Variants in NCAM1 observed in about 807,000 individuals in gnomAD.
NCAM1 encodes the protein neural cell adhesion molecule 1, also known as antigen recognized by monoclonal antibody 5.1H11.
Under a neutral mutation model 109.8 loss-of-function variants are expected in NCAM1, and 14 were observed. That is an observed-to-expected ratio of 0.13 (90% CI 0.08 to 0.20). NCAM1 has a LOEUF of 0.20. Among genes scored for constraint, NCAM1 ranks in the 10% least tolerant of loss-of-function variants. NCAM1 has a pLI of 1.00. For missense variants in NCAM1, 774 were observed against 1,109.9 expected (o/e 0.70, Z 4.30); for synonymous variants, 418 against 442.9 (o/e 0.94, Z 0.70).
At chr11:113,074,610 G>A (rs1466698406) in intron 1 of NCAM1, among the ~76,000 whole-genome samples, 28 of 152,088 alleles carry the variant, frequency 1.8e-4, no homozygotes, top group Non-Finnish European at 2.5e-4. Context: ...TTATTGAGGA[G>A]CTGAATTTTT....
intron 8 of NCAM1, among the ~76,000 whole-genome samples, chr11:113,218,568 G>C (rs1484736904): frequency 2.0e-5 from 3 of 152,282 alleles, no homozygotes; most frequent in Non-Finnish European, 4.4e-5. Context: ...CATTATAAAA[G>C]AAGGGGGGAG....
rs2137832740 is a variant in NCAM1 at position 113,277,476 on chromosome 11, A to C, written c.*2089A>C. ...AGAGGAACATGAAGAGAGATCTTAG[A>C]GCACACAGTAGAATGTGAGAGCCTG... On this transcript the variant is annotated 3_prime_UTR_variant, in exon 20 of 20. Transcript: ENST00000316851. 2.5e-6 allele frequency: 1 copy of C among 399,014 alleles called. No individual in the cohort carries two copies. The highest frequency in any genetic ancestry group is 3.6e-5 in the East Asian group (1 of 28,070). 24.7% of individuals were successfully genotyped at this position (399,014 alleles called of 1,614,324 possible).
At chr11:113,188,536 A>G (rs1359991828) in intron 1 of NCAM1, among the ~76,000 whole-genome samples, 1 of 152,190 alleles carries the variant, frequency 6.6e-6, no homozygotes, top group Non-Finnish European at 1.5e-5. Flanking sequence ...TGAACTCCTT[A>G]TTTAAATCTG....
chr11:113,160,122 A>G (rs1054001350), intron 1 of NCAM1, among the ~76,000 whole-genome samples: 1 of 152,046 alleles, frequency 6.6e-6, no homozygotes, highest in East Asian at 1.9e-4. Flanking sequence ...GGCCAGCAAG[A>G]AGGCTGGTTT....
chr11:113,230,772 G>A (rs1487955697), intron 9 of NCAM1, among the ~76,000 whole-genome samples: 1 of 152,196 alleles, frequency 6.6e-6, no homozygotes, highest in Non-Finnish European at 1.5e-5. Flanking sequence ...TTGAGGATCT[G>A]AAGTTAAGCC....
intron 1 of NCAM1, among the ~76,000 whole-genome samples, chr11:113,141,410 TC>T: frequency 6.6e-6 from 1 of 152,252 alleles, no homozygotes; most frequent in Middle Eastern, 3.4e-3. Context: ...GGTGGGCAGA[TC>T]ATGAGGTCAG....
chr11:113,245,881 C>T (rs1945485665), intron 14 of NCAM1, among the ~76,000 whole-genome samples: 1 of 152,202 alleles, frequency 6.6e-6, no homozygotes, highest in South Asian at 2.1e-4. Flanking sequence ...GCCCTTGTTT[C>T]CCAAGGATGC....
chr11:113,149,094 T>C (rs143199319), intron 1 of NCAM1, among the ~76,000 whole-genome samples: 331 of 152,326 alleles, frequency 2.2e-3, no homozygotes, highest in Middle Eastern at 6.8e-3. Flanking sequence ...TTGCCTATAC[T>C]TCCTTCAGAC....
chr11:113,006,098 T>A (rs1390034818), intron 1 of NCAM1, among the ~76,000 whole-genome samples: 3 of 152,198 alleles, frequency 2.0e-5, no homozygotes, highest in African/African-American at 7.2e-5. Flanking sequence ...TTCAAAAAAT[T>A]CTGGCAGTTT....
intron 1 of NCAM1, among the ~76,000 whole-genome samples, chr11:113,164,975 C>T (rs1314211659): frequency 6.6e-6 from 1 of 152,070 alleles, no homozygotes; most frequent in Non-Finnish European, 1.5e-5. Context: ...CTATATCACC[C>T]AGGAAATTCT....
intron 1 of NCAM1, among the ~76,000 whole-genome samples, chr11:113,202,080 A>G (rs1483635597): frequency 6.6e-6 from 1 of 152,212 alleles, no homozygotes; most frequent in East Asian, 1.9e-4. Flanking sequence ...CATTTAGTGC[A>G]GAGATCACCC....
At chr11:113,175,294 G>T (rs529135129) in intron 1 of NCAM1, among the ~76,000 whole-genome samples, 1 of 152,188 alleles carries the variant, frequency 6.6e-6, no homozygotes, top group Non-Finnish European at 1.5e-5. Context: ...AAGAGATGGC[G>T]GCTGTGTGTA....
chr11:112,985,608 G>C (rs555644258), intron 1 of NCAM1, among the ~76,000 whole-genome samples: 1 of 148,456 alleles, frequency 6.7e-6, no homozygotes, highest in African/African-American at 2.5e-5. Flanking sequence ...GTAGTTTTCT[G>C]TATACAGATT....
intron 1 of NCAM1, among the ~76,000 whole-genome samples, chr11:113,090,986 A>G (rs1209063705): frequency 6.6e-6 from 1 of 152,212 alleles, no homozygotes; most frequent in Non-Finnish European, 1.5e-5. Context: ...AGCAAATGCT[A>G]TAGTATGTTA....
chr11:113,034,943 A>T (rs1952823450), intron 1 of NCAM1, among the ~76,000 whole-genome samples: 1 of 152,226 alleles, frequency 6.6e-6, no homozygotes, highest in African/African-American at 2.4e-5. Context: ...TCTGGAATCT[A>T]CGTTAAGAAG....
chr11:113,136,543 G>C (rs1794857708), intron 1 of NCAM1, among the ~76,000 whole-genome samples: 1 of 152,214 alleles, frequency 6.6e-6, no homozygotes, highest in South Asian at 2.1e-4. Context: ...GGAAGACGAG[G>C]AGGCATGCGT....
chr11:113,207,127 C>T, intron 5 of NCAM1, 134 bp from the exon 6 acceptor site: 1 of 633,302 alleles, frequency 1.6e-6, no homozygotes, highest in Non-Finnish European at 2.8e-6. Flanking sequence ...CAATTCCTGA[C>T]ACTAACTCTG....
rs535284267 is a variant in NCAM1, at chr11:113,210,002, A to G, written c.916+2000A>G. ...TGCTGAATGGGAGCTTCTTGTGGAC[A>G]GGGGCTGTGTCTGTTTTACTCACAG... On this transcript the variant is annotated intron_variant, in intron 7 of 19. Transcript: ENST00000316851. Among the ~76,000 whole-genome samples the G allele has an allele frequency of 9.2e-5, 14 of 152,304 alleles. No individual in the cohort carries two copies. In the South Asian group the frequency reaches 2.3e-3, roughly 25 times the overall value.
At chr11:113,173,698 A>G (rs1943064104) in intron 1 of NCAM1, among the ~76,000 whole-genome samples, 1 of 150,168 alleles carries the variant, frequency 6.7e-6, no homozygotes, top group African/African-American at 2.4e-5. Flanking sequence ...GTCCAGGTTC[A>G]TTCTTGCCTA....
Sources: allele counts gnomAD v4.1 joint callset (sites outside exome capture counted in the v4.1 genomes callset), GRCh38; gene constraint gnomAD v4.1.1; transcripts MANE v1.5; gene names NCBI Gene and HGNC (gene_info 2026-07-23, HGNC 2026-07-21).